NOX3: variants seen among roughly 807,000 people sequenced by gnomAD.
NOX3 encodes NADPH oxidase catalytic subunit-like 3.
In NOX3, 74 loss-of-function variants were observed where a neutral mutation model predicts 76.7. The ratio of observed to expected loss-of-function variants is 0.96; its 90% CI spans 0.80 to 1.17. NOX3 has a LOEUF of 1.17. Ranked by LOEUF, NOX3 falls within the 50% of genes most tolerant of loss-of-function variation. The probability of loss-of-function intolerance (pLI) is 0.00; values close to 1 mark genes in which losing one functional copy is unlikely to be tolerated. For missense variants in NOX3, 695 were observed against 703.3 expected, an observed-to-expected ratio of 0.99 and a Z score of 0.13; for synonymous variants, 263 against 261.1, an observed-to-expected ratio of 1.01 and a Z score of -0.07.
intron 4 of NOX3, among the ~76,000 whole-genome samples, chr6:155,443,875 A>C (rs780095724): frequency 4.6e-5 from 7 of 151,910 alleles, no homozygotes; most frequent in Admixed American, 2.0e-4. Context: ...ATATTAATAA[A>C]TAAAGTAAAT....
chr6:155,440,276 C>G, intron 5 of NOX3, 139 bp from the exon 6 acceptor site: 1 of 640,326 alleles, frequency 1.6e-6, no homozygotes, highest in Admixed American at 3.4e-5. Flanking sequence ...CAATGTTTCA[C>G]TCAGAAGCAC....
At chr6:155,399,557 A>G (rs1414280147) in intron 12 of NOX3, among the ~76,000 whole-genome samples, 1 of 152,166 alleles carries the variant, frequency 6.6e-6, no homozygotes, top group African/African-American at 2.4e-5. Context: ...TCAGCCCTTC[A>G]CTGGCTCTCT....
chr6:155,446,150 A>G (rs1777063077), intron 4 of NOX3, among the ~76,000 whole-genome samples: 2 of 151,716 alleles, frequency 1.3e-5, no homozygotes, highest in Non-Finnish European at 2.9e-5. Context: ...AGAGGTTAGC[A>G]CCCACGAAGT....
chr6:155,423,620 A>G (rs1410511364), intron 9 of NOX3, among the ~76,000 whole-genome samples: 1 of 152,120 alleles, frequency 6.6e-6, no homozygotes, highest in Non-Finnish European at 1.5e-5. Context: ...CACACTGGTG[A>G]GATATTAATA....
At chr6:155,445,682 CT>C (rs1385776108) in intron 4 of NOX3, among the ~76,000 whole-genome samples, 4 of 151,832 alleles carry the variant, frequency 2.6e-5, no homozygotes, top group Non-Finnish European at 5.9e-5. Context: ...CCCTGCACCC[CT>C]GATGAACTTT....
At chr6:155,452,570 G>A (rs1174075431) in intron 4 of NOX3, among the ~76,000 whole-genome samples, 2 of 152,012 alleles carry the variant, frequency 1.3e-5, no homozygotes, top group Non-Finnish European at 2.9e-5. Flanking sequence ...ATTGGCACTC[G>A]GGCACCGTCT....
intron 4 of NOX3, among the ~76,000 whole-genome samples, chr6:155,443,882 A>G (rs938812800): frequency 2.6e-5 from 4 of 152,024 alleles, no homozygotes; most frequent in African/African-American, 9.7e-5. Flanking sequence ...TAAATAAAGT[A>G]AATCTCAGTT....
chr6:155,419,742 GA>G (rs1327123024), intron 10 of NOX3, among the ~76,000 whole-genome samples: 2 of 152,132 alleles, frequency 1.3e-5, no homozygotes, highest in Middle Eastern at 3.2e-3. Context: ...GGAATGCTGA[GA>G]AAGGAGGCAA....
Position 155,428,910 on chromosome 6 carries a change from G to A in NOX3, c.1029C>T (p.Ala343=), listed in dbSNP as rs1776794553. The change falls in exon 9 of 14, where the codon GCC becomes GCT. Residue 343 remains alanine, a synonymous_variant. Coordinates refer to ENST00000159060, the MANE Select transcript of NOX3 (RefSeq NM_015718.3). The part of the protein sequence containing the change: ...LEWHPFTLTS[A]PQEDFFSVHI... ...GCACGCTGAAAAAGTCCTCCTGGGG[G>A]GCAGAGGTAAGGGTGAAGGGGTGCC... The A allele has an allele frequency of 5.6e-6, 9 of 1,613,928 alleles. No homozygotes were observed. Among genetic ancestry groups the A allele is most frequent in the South Asian group, 1.1e-5 (1 of 91,042 alleles).
intron 10 of NOX3, among the ~76,000 whole-genome samples, chr6:155,413,358 G>T (rs970153478): frequency 1.3e-5 from 2 of 152,004 alleles, no homozygotes; most frequent in Non-Finnish European, 2.9e-5. Context: ...GGGGAGGGCT[G>T]GGGGAGCCAT....
At position 155,455,144 on chromosome 6, in the gene NOX3, A is replaced by C. The variant is rs1051192866; in HGVS notation, c.49-15T>G. 2.0e-6 allele frequency: 3 copies of C among 1,537,502 alleles called. No homozygotes were observed. The highest frequency in any genetic ancestry group is 1.7e-5 in the Admixed American group (1 of 57,854). ...AGCCATGAGAGCTAGAGTAGAAAGG[A>C]AAGAGAACCAATGATTACTACCTTC... On this transcript the variant is annotated splice_polypyrimidine_tract_variant and intron_variant, in intron 1 of 13. Coordinates refer to ENST00000159060, the MANE Select transcript of NOX3 (RefSeq NM_015718.3).
chr6:155,454,777 CA>C, intron 3 of NOX3, 33 bp downstream of exon 3: 1 of 1,231,990 alleles, frequency 8.1e-7, no homozygotes, highest in South Asian at 1.4e-5. Flanking sequence ...GAAGTCGTAA[CA>C]GTTGAGATTA....
chr6:155,432,081 T>C (rs1409307589), intron 7 of NOX3, among the ~76,000 whole-genome samples: 3 of 152,182 alleles, frequency 2.0e-5, no homozygotes, highest in South Asian at 2.1e-4. Context: ...TTGTTTTCAA[T>C]AGACAAATAA....
chr6:155,440,938 A>T (rs759943758), intron 5 of NOX3, among the ~76,000 whole-genome samples: 2 of 152,148 alleles, frequency 1.3e-5, no homozygotes, highest in Non-Finnish European at 2.9e-5. Flanking sequence ...TTGCTTTTTA[A>T]TTGGAAAGAC....
chr6:155,427,134 C>T (rs1477739840), intron 9 of NOX3, among the ~76,000 whole-genome samples: 1 of 151,854 alleles, frequency 6.6e-6, no homozygotes, highest in Non-Finnish European at 1.5e-5. Flanking sequence ...TATTACATTG[C>T]TTCCTTTCCA....
At chr6:155,442,616 G>C (rs1169243967) in intron 5 of NOX3, among the ~76,000 whole-genome samples, 2 of 152,236 alleles carry the variant, frequency 1.3e-5, no homozygotes, top group East Asian at 3.8e-4. Context: ...AAGAGGTAGG[G>C]GTGAATTAAG....
At chr6:155,416,733 T>C (rs1322003555) in intron 10 of NOX3, among the ~76,000 whole-genome samples, 3 of 146,786 alleles carry the variant, frequency 2.0e-5, no homozygotes, top group Non-Finnish European at 4.5e-5. Flanking sequence ...AACTGAAACA[T>C]CTGAAACATT....
chr6:155,398,468 G>C (rs1420351196), intron 12 of NOX3, among the ~76,000 whole-genome samples: 2 of 152,120 alleles, frequency 1.3e-5, no homozygotes, highest in Non-Finnish European at 2.9e-5. Context: ...CATTTTAACT[G>C]TGTGTTCCAG....
At chr6:155,455,170 A>G (rs775654141) in intron 1 of NOX3, 41 bp from the exon 2 acceptor site, 3 of 1,315,614 alleles carry the variant, frequency 2.3e-6, no homozygotes, top group African/African-American at 2.9e-5. Flanking sequence ...TACTACCTTC[A>G]AGCTTTTTCT....
Sources: gnomAD v4.1 joint callset for allele counts (sites outside exome capture counted in the v4.1 genomes callset) on GRCh38, gnomAD v4.1.1 for gene constraint, MANE v1.5 for transcripts, NCBI Gene and HGNC (gene_info 2026-07-23, HGNC 2026-07-21) for gene names.